Variants in CPQ observed in about 807,000 individuals in gnomAD.
CPQ encodes the protein Ser-Met dipeptidase.
A neutral mutation model predicts 45.7 loss-of-function variants in CPQ; 37 were observed. That is an observed-to-expected ratio of 0.81 (90% CI 0.62 to 1.07). CPQ has a LOEUF of 1.07. Ranked by LOEUF, CPQ falls within the 50% of genes least tolerant of loss-of-function variation. CPQ has a pLI of 0.00. For synonymous variants in CPQ, 186 were observed against 205.8 expected (o/e 0.90, Z 0.82); for missense variants, 537 against 572.9 (o/e 0.94, Z 0.64).
intron 2 of CPQ, among the ~76,000 whole-genome samples, chr8:96,792,687 A>G (rs1362922854): frequency 1.3e-5 from 2 of 152,118 alleles, no homozygotes; most frequent in Non-Finnish European, 2.9e-5. Context: ...TTACTCATTT[A>G]GTTTACTCAT....
chr8:97,130,019 G>C (rs78134302), intron 7 of CPQ, among the ~76,000 whole-genome samples: 2,290 of 152,272 alleles, frequency 0.015, 63 homozygotes, highest in African/African-American at 0.051. Flanking sequence ...CATTGTAAAC[G>C]TAACTGTGAT....
rs570874087 is a variant in CPQ at position 96,980,308 on chromosome 8, T to G, written c.961+14262T>G. Among the ~76,000 whole-genome samples the G allele has an allele frequency of 6.6e-5, 10 of 152,226 alleles. No homozygotes were observed. The South Asian group carries it at 1.5e-3, about 22-fold the overall frequency. Reference sequence around the variant, plus strand: ...CCACTATGCCCAACTAATTTTTGTATTTTTGGTAGAGACGGGGTTTCACCC... The same window carrying G: ...CCACTATGCCCAACTAATTTTTGTAGTTTTGGTAGAGACGGGGTTTCACCC... On this transcript the variant is annotated intron_variant, in intron 5 of 7. Transcript: ENST00000220763.
intron 1 of CPQ, among the ~76,000 whole-genome samples, chr8:96,737,325 T>TAC (rs1457002227): frequency 3.2e-4 from 40 of 126,766 alleles, no homozygotes; most frequent in African/African-American, 1.1e-3. Context: ...TATATATATA[T>TAC]ATACACACAC....
intron 2 of CPQ, among the ~76,000 whole-genome samples, chr8:96,810,400 G>T (rs1276115179): frequency 6.6e-6 from 1 of 152,190 alleles, no homozygotes; most frequent in Admixed American, 6.5e-5. Context: ...TGGAAAGAAT[G>T]CAAGGGAAGG....
intron 4 of CPQ, among the ~76,000 whole-genome samples, chr8:96,934,553 C>T (rs1241808314): frequency 1.3e-5 from 2 of 152,136 alleles, no homozygotes; most frequent in African/African-American, 4.8e-5. Flanking sequence ...CTTTGATAGT[C>T]AGGACTGGTT....
At chr8:97,028,329 A>C (rs1481748984) in intron 5 of CPQ, among the ~76,000 whole-genome samples, 1 of 152,218 alleles carries the variant, frequency 6.6e-6, no homozygotes, top group Admixed American at 6.5e-5. Flanking sequence ...TCCAGGCTGC[A>C]GTTAGCCAGC....
At chr8:96,847,757 T>C (rs1395273373) in intron 3 of CPQ, among the ~76,000 whole-genome samples, 1 of 152,040 alleles carries the variant, frequency 6.6e-6, no homozygotes, top group Non-Finnish European at 1.5e-5. Context: ...ACATAATTGC[T>C]GTTAATTGTT....
chr8:96,979,514 G>A (rs1054586690), intron 5 of CPQ, among the ~76,000 whole-genome samples: 2 of 152,130 alleles, frequency 1.3e-5, no homozygotes, highest in East Asian at 1.9e-4. Flanking sequence ...TCGCCTACAC[G>A]CTTCTCTGCA....
intron 1 of CPQ, among the ~76,000 whole-genome samples, chr8:96,671,849 C>T (rs1004557099): frequency 1.3e-5 from 2 of 152,114 alleles, no homozygotes; most frequent in Admixed American, 1.3e-4. Flanking sequence ...ACTACTTTTA[C>T]ATTTCTTTCA....
At chr8:96,712,875 A>G (rs1381333575) in intron 1 of CPQ, among the ~76,000 whole-genome samples, 2 of 151,208 alleles carry the variant, frequency 1.3e-5, no homozygotes, top group Non-Finnish European at 2.9e-5. Context: ...TTTCTCCCAC[A>G]AATTTTTTTT....
chr8:96,724,801 G>A (rs1242145264), intron 1 of CPQ, among the ~76,000 whole-genome samples: 1 of 152,002 alleles, frequency 6.6e-6, no homozygotes, highest in Non-Finnish European at 1.5e-5. Flanking sequence ...AATAAACAAA[G>A]CAATCTTAAG....
chr8:96,813,752 A>T (rs1811187809), intron 2 of CPQ, among the ~76,000 whole-genome samples: 2 of 152,128 alleles, frequency 1.3e-5, no homozygotes, highest in South Asian at 4.1e-4. Flanking sequence ...AACGCCTGGT[A>T]TATCAGATAC....
At chr8:97,117,601 C>T (rs1811616963) in intron 7 of CPQ, among the ~76,000 whole-genome samples, 4 of 152,124 alleles carry the variant, frequency 2.6e-5, no homozygotes, top group Admixed American at 2.0e-4. Context: ...GGTGCAACCA[C>T]ATCTCATTAC....
At chr8:97,026,216 A>G (rs552114708) in intron 5 of CPQ, among the ~76,000 whole-genome samples, 1 of 152,346 alleles carries the variant, frequency 6.6e-6, no homozygotes, top group South Asian at 2.1e-4. Context: ...AGAGAAGCTA[A>G]TAAACAATTC....
At chr8:96,998,565 G>A (rs965133503) in intron 5 of CPQ, among the ~76,000 whole-genome samples, 9 of 151,876 alleles carry the variant, frequency 5.9e-5, no homozygotes, top group Non-Finnish European at 1.0e-4. Context: ...CAAGATGTGA[G>A]TATTCATATT....
At chr8:96,715,318 T>G (rs1375467496) in intron 1 of CPQ, among the ~76,000 whole-genome samples, 1 of 152,100 alleles carries the variant, frequency 6.6e-6, no homozygotes, top group Non-Finnish European at 1.5e-5. Flanking sequence ...AGGAAAGCAA[T>G]CTACCTCCCA....
At chr8:96,951,238 C>T (rs1014999597) in intron 4 of CPQ, among the ~76,000 whole-genome samples, 2 of 152,044 alleles carry the variant, frequency 1.3e-5, no homozygotes, top group Non-Finnish European at 2.9e-5. Context: ...AATGTGATAT[C>T]AGGAAATACT....
chr8:96,831,183 A>G (rs1811453871), intron 2 of CPQ, among the ~76,000 whole-genome samples: 1 of 152,058 alleles, frequency 6.6e-6, no homozygotes, highest in South Asian at 2.1e-4. Flanking sequence ...GGGGTATTAT[A>G]CTTTTATTTT....
At chr8:96,731,242 T>G (rs2130770603) in intron 1 of CPQ, among the ~76,000 whole-genome samples, 1 of 152,288 alleles carries the variant, frequency 6.6e-6, no homozygotes, top group Non-Finnish European at 1.5e-5. Flanking sequence ...CTCAGTTCTC[T>G]TATATCTTAA....
Sources: gnomAD v4.1 joint callset for allele counts (sites outside exome capture counted in the v4.1 genomes callset) on GRCh38, gnomAD v4.1.1 for gene constraint, MANE v1.5 for transcripts, NCBI Gene and HGNC (gene_info 2026-07-23, HGNC 2026-07-21) for gene names.